Variants in ALK observed in about 807,000 individuals in gnomAD.
The protein encoded by ALK is ALK tyrosine kinase receptor.
Under a neutral mutation model 163.1 loss-of-function variants are expected in ALK, and 74 were observed. That is an observed-to-expected ratio of 0.45 (90% confidence interval 0.38 to 0.55). ALK has a LOEUF of 0.55. Among genes scored for constraint, ALK ranks in the 20% least tolerant of loss-of-function variants. The pLI is 0.00. For synonymous variants in ALK, 960 were observed against 843.2 expected, an observed-to-expected ratio of 1.14 and a Z score of -2.40; for missense variants, 2,063 against 2,105.3, an observed-to-expected ratio of 0.98 and a Z score of 0.39.
intron 2 of ALK, among the ~76,000 whole-genome samples, chr2:29,716,722 G>A (rs139906101): frequency 5.3e-4 from 80 of 152,188 alleles, no homozygotes; most frequent in African/African-American, 1.7e-3. Context: ...TCTTCATGTC[G>A]GATGCTGTTG....
At chr2:29,450,591 A>G (rs1670796578) in intron 4 of ALK, among the ~76,000 whole-genome samples, 1 of 152,224 alleles carries the variant, frequency 6.6e-6, no homozygotes, top group Non-Finnish European at 1.5e-5. Flanking sequence ...AGAAAAAATG[A>G]AGGGTAATTC....
At chr2:29,449,418 A>G (rs184637057) in intron 4 of ALK, among the ~76,000 whole-genome samples, 1 of 152,278 alleles carries the variant, frequency 6.6e-6, no homozygotes, top group Admixed American at 6.5e-5. Context: ...AGGGCTGCAT[A>G]TTTCCTAACT....
At position 29,886,776 on chromosome 2, in the gene ALK, C is replaced by T. The variant is rs75920879; in HGVS notation, c.667+33217G>A. Among the ~76,000 whole-genome samples, 919 of 152,340 alleles carry T rather than the reference C, an allele frequency of 6.0e-3. 4 individuals are homozygous for T. The highest frequency in any genetic ancestry group is 8.8e-3 in the Non-Finnish European group (599 of 68,024). ...AACATGGGAATCATTATACCTAGCT[C>T]AAAAGGTTTTTATGAAGATTAGCTG... On this transcript the variant is annotated intron_variant, in intron 1 of 28. Coordinates refer to ENST00000389048, the MANE Select transcript of ALK (RefSeq NM_004304.5).
chr2:29,916,933 G>GA (rs1667850423), intron 1 of ALK, among the ~76,000 whole-genome samples: 1 of 152,158 alleles, frequency 6.6e-6, no homozygotes, highest in Non-Finnish European at 1.5e-5. Context: ...TCTTCTCCAT[G>GA]AATGGGTGAA....
chr2:29,895,824 G>A (rs1381628659), intron 1 of ALK, among the ~76,000 whole-genome samples: 2 of 152,158 alleles, frequency 1.3e-5, no homozygotes, highest in Non-Finnish European at 2.9e-5. Context: ...TTTTTGAAAA[G>A]AGGACCACAG....
At chr2:29,686,565 C>T (rs1678247063) in intron 3 of ALK, among the ~76,000 whole-genome samples, 1 of 152,194 alleles carries the variant, frequency 6.6e-6, no homozygotes, top group Non-Finnish European at 1.5e-5. Context: ...GAACTCAAGA[C>T]CCAGAGAGGT....
chr2:29,764,840 G>C (rs1480378630), intron 1 of ALK, among the ~76,000 whole-genome samples: 1 of 152,120 alleles, frequency 6.6e-6, no homozygotes, highest in Non-Finnish European at 1.5e-5. Context: ...ATTTGGATTT[G>C]TGTCCCCACC....
chr2:29,643,004 T>A (rs1676748374), intron 3 of ALK, among the ~76,000 whole-genome samples: 1 of 152,068 alleles, frequency 6.6e-6, no homozygotes, highest in Non-Finnish European at 1.5e-5. Flanking sequence ...TTATTAGAGA[T>A]TTAAAATTTA....
intron 3 of ALK, among the ~76,000 whole-genome samples, chr2:29,630,751 T>C (rs1676344918): frequency 6.6e-6 from 1 of 152,138 alleles, no homozygotes; most frequent in African/African-American, 2.4e-5. Flanking sequence ...ATTTTGAAAT[T>C]TTGTTGTCTA....
intron 22 of ALK, chr2:29,221,178 G>A (rs1482962502): frequency 1.3e-5 from 7 of 548,310 alleles, no homozygotes; most frequent in East Asian, 4.0e-5. Context: ...ATTCATGGTC[G>A]ATTTCTCCCA....
intron 3 of ALK, among the ~76,000 whole-genome samples, chr2:29,689,741 T>C (rs1678341473): frequency 6.6e-6 from 1 of 152,212 alleles, no homozygotes; most frequent in African/African-American, 2.4e-5. Flanking sequence ...GCAGATGTTA[T>C]CAAGCATTCC....
chr2:29,250,523 C>T (rs1664789938), intron 12 of ALK, among the ~76,000 whole-genome samples: 1 of 152,170 alleles, frequency 6.6e-6, no homozygotes, highest in African/African-American at 2.4e-5. Context: ...TCTCCACCAG[C>T]CCTCCAGTCT....
intron 1 of ALK, among the ~76,000 whole-genome samples, chr2:29,761,792 G>A (rs1317275377): frequency 6.6e-6 from 1 of 152,226 alleles, no homozygotes; most frequent in African/African-American, 2.4e-5. Context: ...ACAGACTTCT[G>A]GATGGGGTGA....
intron 4 of ALK, among the ~76,000 whole-genome samples, chr2:29,429,024 G>T (rs776879292): frequency 6.6e-6 from 1 of 151,968 alleles, no homozygotes; most frequent in Non-Finnish European, 1.5e-5. Flanking sequence ...CTCAACAGAC[G>T]CAGAAAGAAG....
intron 28 of ALK, among the ~76,000 whole-genome samples, 178 bp from the exon 29 acceptor site, chr2:29,194,100 T>C (rs1291774423): frequency 6.6e-6 from 1 of 152,084 alleles, no homozygotes. Flanking sequence ...GTCATCCTTA[T>C]CCTCAAAGAC....
intron 12 of ALK, among the ~76,000 whole-genome samples, chr2:29,243,639 C>T (rs1664580492): frequency 6.6e-6 from 1 of 152,222 alleles, no homozygotes; most frequent in Non-Finnish European, 1.5e-5. Flanking sequence ...GGGCCCACCT[C>T]TGTGTAAAGC....
In ALK at chr2:29,408,863, C is replaced by T. The variant is rs183037229; in HGVS notation, c.1155-25004G>A. Among the ~76,000 whole-genome samples, 3 of 152,234 alleles carry T rather than the reference C, an allele frequency of 2.0e-5. No homozygotes were observed. In the East Asian group the frequency reaches 5.8e-4, roughly 29 times the overall value. ...CAAGGTCACCAGGCTTGAGAATGCT[C>T]AGGTAGAAAACCAGATCAAGAAAAG... On this transcript the variant is annotated intron_variant, in intron 4 of 28. Coordinates refer to ENST00000389048, the MANE Select transcript of ALK (RefSeq NM_004304.5).
intron 11 of ALK, among the ~76,000 whole-genome samples, chr2:29,256,425 G>A (rs531385841): frequency 6.6e-6 from 1 of 152,132 alleles, no homozygotes; most frequent in Non-Finnish European, 1.5e-5. Flanking sequence ...TGCTGCGAGT[G>A]GAGTTACAGT....
chr2:29,445,234 A>G (rs1261299445), intron 4 of ALK, among the ~76,000 whole-genome samples: 1 of 152,236 alleles, frequency 6.6e-6, no homozygotes, highest in African/African-American at 2.4e-5. Flanking sequence ...CAGGGAGAAA[A>G]GTCTAAAAAT....
Sources: gnomAD v4.1 joint callset for allele counts (sites outside exome capture counted in the v4.1 genomes callset) on GRCh38, gnomAD v4.1.1 for gene constraint, MANE v1.5 for transcripts, NCBI Gene and HGNC (gene_info 2026-07-23, HGNC 2026-07-21) for gene names.